KIAA0319: variants seen among roughly 807,000 people sequenced by gnomAD.
KIAA0319 encodes KIAA0319, also known as dyslexia-associated protein KIAA0319.
A neutral mutation model predicts 108.4 loss-of-function variants in KIAA0319; 83 were observed. The observed-to-expected ratio is 0.77, with a 90% CI of 0.64 to 0.92. The LOEUF (loss-of-function observed/expected upper bound fraction) is 0.92. KIAA0319 is among the 40% of genes least tolerant of loss of function. The pLI, the probability that KIAA0319 is intolerant of heterozygous loss-of-function variation, is 0.00. For missense variants in KIAA0319, 1,195 were observed against 1,322.4 expected, an observed-to-expected ratio of 0.90 and a Z score of 1.49; for synonymous variants, 484 against 510.4, an observed-to-expected ratio of 0.95 and a Z score of 0.70.
intron 8 of KIAA0319, among the ~76,000 whole-genome samples, chr6:24,579,453 CTTATA>C (rs1376232276): frequency 7.2e-6 from 1 of 138,368 alleles, no homozygotes; most frequent in African/African-American, 2.9e-5. Context: ...TCATATATAT[CTTATA>C]TATCTCATAT....
chr6:24,552,418 C>T (rs1434445969), intron 19 of KIAA0319, among the ~76,000 whole-genome samples: 2 of 152,178 alleles, frequency 1.3e-5, no homozygotes, highest in Admixed American at 1.3e-4. Flanking sequence ...ACTTGATAGA[C>T]ATGTCACAAA....
chr6:24,585,900 C>G (rs1330288134), intron 4 of KIAA0319, among the ~76,000 whole-genome samples: 1 of 152,086 alleles, frequency 6.6e-6, no homozygotes, highest in Non-Finnish European at 1.5e-5. Context: ...ACCAGGCTGG[C>G]CAACACGGAG....
chr6:24,559,075 A>C lies in KIAA0319; in HGVS notation c.2672T>G (p.Met891Arg). The change falls in exon 17 of 21, where the codon ATG becomes AGG. Residue 891 changes from methionine (M) to arginine (R), a missense_variant. Transcript: ENST00000378214. ...GTCAGCCTTCTCCTTTGAGAGCCGC[A>C]TGTGCAGATTTCGGGCCACTTCAGC... is the stretch of plus-strand genomic sequence containing the variant. Reference protein sequence around the residue: ...KAAEVARNLHMRLSKEKADFL... With the variant: ...KAAEVARNLHRRLSKEKADFL... 1 of 1,613,826 alleles carries C rather than the reference A, an allele frequency of 6.2e-7. No individual in the cohort carries two copies. Among genetic ancestry groups the C allele is most frequent in the East Asian group, 2.2e-5 (1 of 44,890 alleles).
intron 1 of KIAA0319, among the ~76,000 whole-genome samples, chr6:24,619,774 G>A (rs1773663552): frequency 6.6e-6 from 1 of 152,230 alleles, no homozygotes; most frequent in South Asian, 2.1e-4. Context: ...TCTGCAGAGA[G>A]ACCTTAAGGT....
chr6:24,546,238 ATTTCAGAGTTTTGG>A lies in KIAA0319; in HGVS notation c.*913_*926del, dbSNP rs1561893599. 6.6e-6 allele frequency: 1 copy of A among 152,124 alleles called. No individual in the cohort carries two copies. Among genetic ancestry groups the A allele is most frequent in the Non-Finnish European group, 1.5e-5 (1 of 68,026 alleles). The allele number at this position is 152,124 out of a possible 1,614,324, so 9.4% of individuals were successfully genotyped here. The stretch of plus-strand genomic sequence containing the variant: ...CGCCATCCAAGTTAAGACTGACTGT[ATTTCAGAGTTTTGG>A]AATATATACACAATTGCTGAGTCGT... On this transcript the variant is annotated 3_prime_UTR_variant, in exon 21 of 21. Transcript: ENST00000378214.
rs980008542 is a variant in KIAA0319, at chr6:24,547,103, G to A, written c.*62C>T. On this transcript the variant is annotated 3_prime_UTR_variant, in exon 21 of 21. Transcript: ENST00000378214. ...ATTCTAAAAGAGTGGGTTTTGTGCT[G>A]TAACTCCCACTGACTGGTCTTGGAT... The A allele has an allele frequency of 1.1e-5, 17 of 1,531,598 alleles. No individual in the cohort carries two copies. The highest frequency in any genetic ancestry group is 2.3e-5 in the South Asian group (2 of 86,904). The allele number at this position is 1,531,598 out of a possible 1,614,324, so 94.9% of individuals were successfully genotyped here.
intron 11 of KIAA0319, among the ~76,000 whole-genome samples, chr6:24,572,072 G>T (rs1237423682): frequency 6.6e-6 from 1 of 152,222 alleles, no homozygotes; most frequent in Non-Finnish European, 1.5e-5. Flanking sequence ...CCAGGAACTG[G>T]ATAGAGGTTC....
chr6:24,565,043 C>T (rs948924748), intron 14 of KIAA0319, among the ~76,000 whole-genome samples: 2 of 151,906 alleles, frequency 1.3e-5, no homozygotes, highest in African/African-American at 2.4e-5. Flanking sequence ...GTCAGGAGAT[C>T]GAGAACATCC....
intron 9 of KIAA0319, among the ~76,000 whole-genome samples, 172 bp downstream of exon 9, chr6:24,577,937 TC>T (rs1765786554): frequency 6.6e-6 from 1 of 152,104 alleles, no homozygotes; most frequent in Non-Finnish European, 1.5e-5. Context: ...TAAATAAAGT[TC>T]CTATTAATTG....
At chr6:24,623,494 GA>G (rs1252950444) in intron 1 of KIAA0319, among the ~76,000 whole-genome samples, 11 of 152,146 alleles carry the variant, frequency 7.2e-5, no homozygotes, top group African/African-American at 2.6e-4. Flanking sequence ...TAAAAGTTAA[GA>G]ACTCCAAAAG....
rs71544276 is a variant in KIAA0319, at chr6:24,553,294, TACACACACACACAC to T, written c.2948+1233_2948+1246del. ...AGATAGATATATATATATATATATATACACACACACACACACACACACACACACACACACACACA... is the reference window on the plus strand; with the variant it reads ...AGATAGATATATATATATATATATATACACACACACACACACACACACACA... On this transcript the variant is annotated intron_variant, in intron 19 of 20. Coordinates refer to ENST00000378214, the MANE Select transcript of KIAA0319 (RefSeq NM_014809.4). Among the ~76,000 whole-genome samples, 159 of 91,070 alleles carry T rather than the reference TACACACACACACAC, an allele frequency of 1.7e-3. 2 individuals are homozygous for T. The highest frequency in any genetic ancestry group is 1.7e-3 in the Non-Finnish European group (83 of 48,790). The allele number at this position is 91,070 out of a possible 152,430, so 59.7% of individuals were successfully genotyped here. A position where few individuals can be genotyped will look rare whatever the true frequency, so the allele number is the denominator to read the frequency against.
rs191210219 is a variant in KIAA0319 at position 24,587,735 on chromosome 6, T to C, written c.994+858A>G. 2.7e-3 allele frequency among the ~76,000 whole-genome samples: 408 copies of C among 152,114 alleles called. 1 individual carries two copies. Among genetic ancestry groups the C allele is most frequent in the Non-Finnish European group, 4.3e-3 (290 of 68,012 alleles). On this transcript the variant is annotated intron_variant, in intron 4 of 20. Transcript: ENST00000378214. ...CCAAGTAGCTGGGGTTACAGGTGTG[T>C]GCCACCACGCCCAGCTAATTTTTTT...
Position 24,596,945 on chromosome 6 carries a change from TTCCA to T in KIAA0319, c.56-331_56-328del, listed in dbSNP as rs537111702. ...TACTCATCCATCTACCCTTCTACTT[TTCCA>T]TCCATCCATCCATCCATCCATCCAC... On this transcript the variant is annotated intron_variant, in intron 2 of 20. Coordinates refer to ENST00000378214, the MANE Select transcript of KIAA0319 (RefSeq NM_014809.4). 2.3e-3 allele frequency among the ~76,000 whole-genome samples: 355 copies of T among 151,540 alleles called. 1 individual carries two copies. The Middle Eastern group carries it at 0.024, about 10-fold the overall frequency.
intron 1 of KIAA0319, among the ~76,000 whole-genome samples, chr6:24,632,418 C>T (rs1180716152): frequency 2.0e-5 from 3 of 152,112 alleles, no homozygotes; most frequent in Non-Finnish European, 4.4e-5. Flanking sequence ...TTCTCCAAAA[C>T]AATTTTCTAA....
chr6:24,552,517 G>GGCTC (rs1222221626), intron 19 of KIAA0319, among the ~76,000 whole-genome samples: 1 of 152,166 alleles, frequency 6.6e-6, no homozygotes, highest in African/African-American at 2.4e-5. Flanking sequence ...GCCTGCACCT[G>GGCTC]GCTCCCTTTC....
intron 2 of KIAA0319, among the ~76,000 whole-genome samples, chr6:24,597,297 TA>T (rs1172754030): frequency 6.6e-6 from 1 of 152,188 alleles, no homozygotes; most frequent in Non-Finnish European, 1.5e-5. Context: ...TAATGGTGGA[TA>T]AATTGACAGG....
At chr6:24,603,341 T>G (rs1439855118) in intron 1 of KIAA0319, among the ~76,000 whole-genome samples, 1 of 152,222 alleles carries the variant, frequency 6.6e-6, no homozygotes, top group Non-Finnish European at 1.5e-5. Context: ...GACTTGGATC[T>G]GTACTCCAAG....
intron 1 of KIAA0319, among the ~76,000 whole-genome samples, chr6:24,645,255 T>G (rs1012539907): frequency 1.3e-5 from 2 of 152,202 alleles, no homozygotes; most frequent in African/African-American, 4.8e-5. Context: ...AGTATGTATA[T>G]CATATTTTTC....
In KIAA0319 at chr6:24,566,703, A is replaced by G; in HGVS notation, c.2186T>C (p.Leu729Pro). The change falls in exon 14 of 21, where the codon CTT (leucine) becomes CCT (proline). Residue 729 changes from leucine to proline, a missense_variant. Transcript: ENST00000378214. The part of the protein sequence containing the change: ...PRARAGGRHV[L>P]VLPNNSITLD... The stretch of plus-strand genomic sequence containing the variant: ...AGTAATGGAATTATTGGGAAGCACA[A>G]GAACATGTCTGCCACCAGCCCGGGC... 6.2e-7 allele frequency: 1 copy of G among 1,613,694 alleles called. No individual in the cohort carries two copies. The highest frequency in any genetic ancestry group is 8.5e-7 in the Non-Finnish European group (1 of 1,179,788).
Sources: allele counts gnomAD v4.1 joint callset (sites outside exome capture counted in the v4.1 genomes callset), GRCh38; gene constraint gnomAD v4.1.1; transcripts MANE v1.5; gene names NCBI Gene and HGNC (gene_info 2026-07-23, HGNC 2026-07-21).